Variants in LCLAT1 observed in about 807,000 individuals in gnomAD.
The protein encoded by LCLAT1 is 1-AGP acyltransferase 8.
Under a neutral mutation model 30.7 loss-of-function variants are expected in LCLAT1, and 11 were observed. That is an observed-to-expected ratio of 0.36 (90% CI 0.23 to 0.59). The LOEUF (loss-of-function observed/expected upper bound fraction) is 0.59. Ranked by LOEUF, LCLAT1 falls within the 20% of genes least tolerant of loss-of-function variation. The probability of loss-of-function intolerance (pLI) is 0.77; values close to 1 mark genes in which losing one functional copy is unlikely to be tolerated. For synonymous variants in LCLAT1, 155 were observed against 151.3 expected, an observed-to-expected ratio of 1.02 and a Z score of -0.18; for missense variants, 402 against 458.6, an observed-to-expected ratio of 0.88 and a Z score of 1.13.
chr2:30,599,007 A>AGATG (rs1491456577), intron 5 of LCLAT1, among the ~76,000 whole-genome samples: 1 of 120,154 alleles, frequency 8.3e-6, no homozygotes, highest in Middle Eastern at 3.9e-3. Flanking sequence ...TGAGATAGAT[A>AGATG]GAGTCTCACT....
chr2:30,478,043 G>A (rs915447344), intron 1 of LCLAT1, among the ~76,000 whole-genome samples: 17 of 144,240 alleles, frequency 1.2e-4, no homozygotes, highest in African/African-American at 3.3e-4. Context: ...ATTTGGGAAC[G>A]TAAAGTCAAA....
At chr2:30,462,833 T>C (rs1010307035) in intron 1 of LCLAT1, among the ~76,000 whole-genome samples, 1 of 152,218 alleles carries the variant, frequency 6.6e-6, no homozygotes, top group African/African-American at 2.4e-5. Context: ...TAGTAGAACA[T>C]GAGAATAAAC....
chr2:30,522,319 G>A (rs770759621), intron 1 of LCLAT1, among the ~76,000 whole-genome samples: 1 of 152,198 alleles, frequency 6.6e-6, no homozygotes, highest in African/African-American at 2.4e-5. Flanking sequence ...ATGTTTGCAA[G>A]TTCTGGTTGC....
rs190288745 is a variant in LCLAT1 at position 30,473,424 on chromosome 2, C to A, written c.-5+26041C>A. 6.6e-5 allele frequency among the ~76,000 whole-genome samples: 10 copies of A among 152,280 alleles called. No individual in the cohort carries two copies. The East Asian group carries it at 1.9e-3, about 29-fold the overall frequency. On this transcript the variant is annotated intron_variant, in intron 1 of 5. Transcript: ENST00000379509. Reference sequence around the variant, plus strand: ...AGAACCTGGTAAGCTTAAAAGCCACCTGATTCTCCTGATTTGGGTCACCCG... The same window carrying A: ...AGAACCTGGTAAGCTTAAAAGCCACATGATTCTCCTGATTTGGGTCACCCG...
At chr2:30,466,520 A>T (rs558851235) in intron 1 of LCLAT1, among the ~76,000 whole-genome samples, 2 of 152,230 alleles carry the variant, frequency 1.3e-5, no homozygotes, top group South Asian at 4.1e-4. Flanking sequence ...TGCTTAGTTT[A>T]TGTTCTGTTT....
chr2:30,474,811 G>A (rs1054207045), intron 1 of LCLAT1, among the ~76,000 whole-genome samples: 36 of 151,656 alleles, frequency 2.4e-4, no homozygotes, highest in Middle Eastern at 6.9e-3. Flanking sequence ...ACCACACATG[G>A]CTAATTTTTA....
chr2:30,570,457 T>C (rs988100592), intron 5 of LCLAT1, among the ~76,000 whole-genome samples: 4 of 152,222 alleles, frequency 2.6e-5, no homozygotes, highest in African/African-American at 9.6e-5. Context: ...TGCTGTGTGT[T>C]TTATGCCTAT....
intron 5 of LCLAT1, chr2:30,607,127 A>G (rs1258294053): frequency 1.3e-5 from 2 of 152,132 alleles, no homozygotes; most frequent in Admixed American, 6.5e-5. Context: ...ATGCTTTTAC[A>G]TTGTTGGTGG....
chr2:30,626,549 C>T (rs1668519745), intron 5 of LCLAT1, among the ~76,000 whole-genome samples: 1 of 152,050 alleles, frequency 6.6e-6, no homozygotes, highest in South Asian at 2.1e-4. Context: ...TATGCTTTTT[C>T]CCCTCAGTCA....
At chr2:30,534,527 G>A (rs556698074) in intron 3 of LCLAT1, among the ~76,000 whole-genome samples, 6 of 152,088 alleles carry the variant, frequency 3.9e-5, no homozygotes, top group Non-Finnish European at 5.9e-5. Flanking sequence ...AGCCGCCTGC[G>A]TTGGCCTCCC....
At chr2:30,472,331 T>C (rs796966956) in intron 1 of LCLAT1, among the ~76,000 whole-genome samples, 14 of 152,358 alleles carry the variant, frequency 9.2e-5, no homozygotes, top group African/African-American at 3.1e-4. Context: ...AAGCCCCTTC[T>C]AAGGCTTTAC....
chr2:30,568,242 G>A, intron 5 of LCLAT1, 66 bp downstream of exon 5: 1 of 687,844 alleles, frequency 1.5e-6, no homozygotes, highest in Non-Finnish European at 2.5e-6. Flanking sequence ...TTTATATATA[G>A]CCCTTTAGAG....
chr2:30,560,925 C>T (rs913907424), intron 3 of LCLAT1, among the ~76,000 whole-genome samples: 2 of 150,486 alleles, frequency 1.3e-5, no homozygotes, highest in African/African-American at 2.4e-5. Flanking sequence ...GGGCTTTTGC[C>T]CTTCACTCTC....
chr2:30,600,131 C>T (rs191972034), intron 5 of LCLAT1, among the ~76,000 whole-genome samples: 3 of 152,210 alleles, frequency 2.0e-5, no homozygotes, highest in Admixed American at 6.5e-5. Context: ...ACCTCAGCAT[C>T]TGCTTGTCTG....
chr2:30,466,806 A>G (rs901033630), intron 1 of LCLAT1, among the ~76,000 whole-genome samples: 1 of 152,100 alleles, frequency 6.6e-6, no homozygotes, highest in Non-Finnish European at 1.5e-5. Flanking sequence ...AGTCTTATAT[A>G]TTTTTAATTT....
chr2:30,523,974 A>T (rs1444217185), intron 1 of LCLAT1, among the ~76,000 whole-genome samples: 1 of 152,198 alleles, frequency 6.6e-6, no homozygotes, highest in East Asian at 1.9e-4. Flanking sequence ...AAGCACCATG[A>T]CGTTTGAAAA....
intron 5 of LCLAT1, among the ~76,000 whole-genome samples, chr2:30,629,880 G>T (rs904698759): frequency 6.6e-6 from 1 of 151,784 alleles, no homozygotes; most frequent in Non-Finnish European, 1.5e-5. Flanking sequence ...AGCATCGATG[G>T]AAAGATGCAC....
intron 1 of LCLAT1, among the ~76,000 whole-genome samples, chr2:30,519,065 G>C (rs1416930026): frequency 6.6e-6 from 1 of 152,172 alleles, no homozygotes; most frequent in Non-Finnish European, 1.5e-5. Flanking sequence ...CTCACAGCAG[G>C]TTAAATACTT....
intron 5 of LCLAT1, among the ~76,000 whole-genome samples, chr2:30,593,944 G>T (rs1280547927): frequency 3.5e-5 from 5 of 144,698 alleles, no homozygotes; most frequent in Admixed American, 6.9e-5. Flanking sequence ...AAAAAGACAT[G>T]TAAAATTCTA....
Sources: gnomAD v4.1 joint callset for allele counts (sites outside exome capture counted in the v4.1 genomes callset) on GRCh38, gnomAD v4.1.1 for gene constraint, MANE v1.5 for transcripts, NCBI Gene and HGNC (gene_info 2026-07-23, HGNC 2026-07-21) for gene names.